PTPRM: variants seen among roughly 807,000 people sequenced by gnomAD.
PTPRM encodes the protein receptor-type tyrosine-protein phosphatase mu.
A neutral mutation model predicts 186.7 loss-of-function variants in PTPRM; 47 were observed. The ratio of observed to expected loss-of-function variants is 0.25; its 90% CI spans 0.20 to 0.32. PTPRM has a LOEUF of 0.32. Among genes scored for constraint, PTPRM ranks in the 10% least tolerant of loss-of-function variants. PTPRM has a pLI of 1.00. For synonymous variants in PTPRM, 668 were observed against 674.9 expected (o/e 0.99, Z 0.16); for missense variants, 1,494 against 1,865.0 (o/e 0.80, Z 3.66).
chr18:7,716,210 G>A (rs1458563959), intron 1 of PTPRM, among the ~76,000 whole-genome samples: 3 of 152,084 alleles, frequency 2.0e-5, no homozygotes, highest in African/African-American at 4.8e-5. Context: ...CACTCCACAC[G>A]TCTGCAACCA....
At chr18:8,022,047 A>G (rs1258587082) in intron 7 of PTPRM, among the ~76,000 whole-genome samples, 1 of 152,226 alleles carries the variant, frequency 6.6e-6, no homozygotes, top group African/African-American at 2.4e-5. Flanking sequence ...TCAATAATGA[A>G]AAAAGGAAAA....
intron 7 of PTPRM, among the ~76,000 whole-genome samples, chr18:7,998,292 G>A (rs895808477): frequency 2.6e-5 from 4 of 152,020 alleles, no homozygotes; most frequent in Non-Finnish European, 5.9e-5. Flanking sequence ...AATCACAAAT[G>A]TTACAGGTTC....
intron 7 of PTPRM, among the ~76,000 whole-genome samples, chr18:8,042,257 T>C (rs1049091977): frequency 7.2e-5 from 11 of 152,210 alleles, no homozygotes; most frequent in Non-Finnish European, 1.3e-4. Flanking sequence ...ATGTACCAAA[T>C]ATAAAAATCT....
At chr18:7,874,884 AG>A (rs2048157767) in intron 2 of PTPRM, among the ~76,000 whole-genome samples, 1 of 152,200 alleles carries the variant, frequency 6.6e-6, no homozygotes, top group African/African-American at 2.4e-5. Context: ...GAAAACCAAA[AG>A]CTTCCTTCAG....
chr18:7,813,366 G>C (rs184039949), intron 2 of PTPRM, among the ~76,000 whole-genome samples: 1 of 152,234 alleles, frequency 6.6e-6, no homozygotes, highest in Non-Finnish European at 1.5e-5. Flanking sequence ...CCGGTAGCCA[G>C]TAAGACTATT....
At chr18:8,295,375 C>T (rs1490242012) in intron 19 of PTPRM, among the ~76,000 whole-genome samples, 4 of 151,552 alleles carry the variant, frequency 2.6e-5, no homozygotes, top group South Asian at 2.1e-4. Flanking sequence ...AGATGGAGAC[C>T]GGGGAGGAAG....
intron 7 of PTPRM, among the ~76,000 whole-genome samples, chr18:7,983,742 C>T (rs1421575712): frequency 2.0e-5 from 3 of 152,096 alleles, no homozygotes; most frequent in Non-Finnish European, 4.4e-5. Flanking sequence ...CACTAACCTT[C>T]GTTGAGAAAA....
intron 14 of PTPRM, among the ~76,000 whole-genome samples, chr18:8,156,469 G>A (rs2093123846): frequency 6.6e-6 from 1 of 152,186 alleles, no homozygotes; most frequent in Non-Finnish European, 1.5e-5. Context: ...TGATGATAAT[G>A]TGTACTGCAT....
chr18:8,162,494 G>A (rs545148610), intron 14 of PTPRM, among the ~76,000 whole-genome samples: 1 of 152,300 alleles, frequency 6.6e-6, no homozygotes, highest in Admixed American at 6.5e-5. Flanking sequence ...GGGTGGCCCT[G>A]GCTGTGCCCA....
chr18:7,985,167 A>G (rs1418435026), intron 7 of PTPRM, among the ~76,000 whole-genome samples: 40 of 128,258 alleles, frequency 3.1e-4, no homozygotes, highest in African/African-American at 1.0e-3. Context: ...ATATAAATAT[A>G]TACATATAAT....
At chr18:8,243,666 CTG>C (rs1366609761) in intron 14 of PTPRM, among the ~76,000 whole-genome samples, 1 of 152,188 alleles carries the variant, frequency 6.6e-6, no homozygotes, top group Non-Finnish European at 1.5e-5. Flanking sequence ...CTCTTTGACA[CTG>C]TATATGGTGA....
chr18:8,052,412 A>T (rs913814160), intron 7 of PTPRM, among the ~76,000 whole-genome samples: 28 of 152,184 alleles, frequency 1.8e-4, no homozygotes, highest in African/African-American at 6.8e-4. Context: ...TTCTATGTTT[A>T]GATACAAAAA....
chr18:7,722,960 C>G (rs1448411000), intron 1 of PTPRM, among the ~76,000 whole-genome samples: 3 of 152,082 alleles, frequency 2.0e-5, no homozygotes, highest in African/African-American at 7.2e-5. Context: ...CACTTGAAAA[C>G]CAAAAACTCA....
At chr18:7,616,820 C>T (rs2143922019) in intron 1 of PTPRM, among the ~76,000 whole-genome samples, 1 of 152,266 alleles carries the variant, frequency 6.6e-6, no homozygotes, top group South Asian at 2.1e-4. Flanking sequence ...GGAGATCTGC[C>T]TGTTCTCACT....
At chr18:8,105,709 G>A (rs541554944) in intron 11 of PTPRM, among the ~76,000 whole-genome samples, 2 of 152,280 alleles carry the variant, frequency 1.3e-5, no homozygotes, top group South Asian at 4.1e-4. Context: ...GCAAGCCCAG[G>A]GCGCCTGTGG....
At chr18:8,181,867 A>G (rs112691969) in intron 14 of PTPRM, among the ~76,000 whole-genome samples, 20 of 151,790 alleles carry the variant, frequency 1.3e-4, no homozygotes, top group African/African-American at 4.6e-4. Flanking sequence ...CGTGAAAAAA[A>G]AAAATACCTT....
At chr18:7,867,376 C>T (rs2047762615) in intron 2 of PTPRM, among the ~76,000 whole-genome samples, 1 of 152,080 alleles carries the variant, frequency 6.6e-6, no homozygotes, top group Admixed American at 6.5e-5. Context: ...TTGAGGAGTT[C>T]TTGTATTGCA....
chr18:7,757,744 A>C (rs1056551496), intron 1 of PTPRM, among the ~76,000 whole-genome samples: 1 of 152,186 alleles, frequency 6.6e-6, no homozygotes, highest in Non-Finnish European at 1.5e-5. Context: ...ATGAGTGAGC[A>C]GGAGCTTATT....
In PTPRM at chr18:7,867,312, C is replaced by T. The variant is rs900514228; in HGVS notation, c.197-20794C>T. ...TAGTGTCGATGTTCTTTACAATTTGCCATGTTTTTGCAGTGGCTGGTACTG... is the reference window on the plus strand; with the variant it reads ...TAGTGTCGATGTTCTTTACAATTTGTCATGTTTTTGCAGTGGCTGGTACTG... On this transcript the variant is annotated intron_variant, in intron 2 of 32. Transcript: ENST00000580170. Among the ~76,000 whole-genome samples, 94 of 152,144 alleles carry T rather than the reference C, an allele frequency of 6.2e-4. 1 individual carries two copies. The highest frequency in any genetic ancestry group is 2.2e-3 in the African/African-American group (93 of 41,526).
Sources: allele counts gnomAD v4.1 joint callset (sites outside exome capture counted in the v4.1 genomes callset), GRCh38; gene constraint gnomAD v4.1.1; transcripts MANE v1.5; gene names NCBI Gene and HGNC (gene_info 2026-07-23, HGNC 2026-07-21).